BBS9: variants seen among roughly 807,000 people sequenced by gnomAD.
The protein encoded by BBS9 is Bardet-Biedl syndrome 9, also known as protein PTHB1.
BBS9 carries 89 observed loss-of-function variants against 117.7 expected under a neutral mutation model. The ratio of observed to expected loss-of-function variants is 0.76; its 90% confidence interval spans 0.64 to 0.90. BBS9 has a LOEUF of 0.90. BBS9 is among the 40% of genes least tolerant of loss of function. BBS9 has a pLI of 0.00. For synonymous variants in BBS9, 379 were observed against 370.9 expected (o/e 1.02, Z -0.25); for missense variants, 982 against 1,042.2 (o/e 0.94, Z 0.80).
chr7:33,559,278 T>C (rs1174753957), intron 21 of BBS9, among the ~76,000 whole-genome samples: 1 of 152,174 alleles, frequency 6.6e-6, no homozygotes, highest in African/African-American at 2.4e-5. Context: ...AACCGCAGGG[T>C]ATTTGATGAA....
At chr7:33,503,156 A>G (rs891296921) in intron 19 of BBS9, among the ~76,000 whole-genome samples, 9 of 152,192 alleles carry the variant, frequency 5.9e-5, no homozygotes, top group South Asian at 4.1e-4. Flanking sequence ...CCATTGCCCT[A>G]TCAATTTTAC....
chr7:33,192,599 T>C (rs771807569), intron 5 of BBS9, among the ~76,000 whole-genome samples: 2 of 152,230 alleles, frequency 1.3e-5, no homozygotes, highest in Admixed American at 6.5e-5. Context: ...TAAATGACTT[T>C]CGTTACATTA....
At chr7:33,369,889 T>G (rs1822530972) in intron 17 of BBS9, among the ~76,000 whole-genome samples, 4 of 152,358 alleles carry the variant, frequency 2.6e-5, no homozygotes, top group Admixed American at 2.0e-4. Context: ...GAACCTAGTA[T>G]TTCTTCCATA....
intron 20 of BBS9, among the ~76,000 whole-genome samples, chr7:33,513,240 T>C (rs1450231048): frequency 6.6e-6 from 1 of 152,206 alleles, no homozygotes; most frequent in African/African-American, 2.4e-5. Context: ...CTGTCTACCC[T>C]TCCATCTATT....
At chr7:33,618,139 A>G (rs1216127695) in intron 21 of BBS9, among the ~76,000 whole-genome samples, 2 of 152,082 alleles carry the variant, frequency 1.3e-5, no homozygotes, top group Non-Finnish European at 2.9e-5. Flanking sequence ...CAGGAATTAG[A>G]GACCAACCTG....
At chr7:33,466,817 C>T (rs1267523773) in intron 19 of BBS9, among the ~76,000 whole-genome samples, 2 of 152,076 alleles carry the variant, frequency 1.3e-5, no homozygotes, top group Non-Finnish European at 2.9e-5. Context: ...AGTCCAGTGG[C>T]ATGTATTTGA....
chr7:33,541,212 CCTT>C (rs147210234), intron 21 of BBS9, among the ~76,000 whole-genome samples: 4,711 of 152,202 alleles, frequency 0.031, 88 homozygotes, highest in African/African-American at 0.055. Context: ...AAACTCACCT[CCTT>C]CTGTATGTCT....
chr7:33,307,252 T>C (rs1034696251), intron 9 of BBS9, among the ~76,000 whole-genome samples: 5 of 152,196 alleles, frequency 3.3e-5, no homozygotes, highest in African/African-American at 1.2e-4. Context: ...CTGAAGTCAT[T>C]TGAACCCAAA....
chr7:33,544,098 C>G (rs1852862467), intron 21 of BBS9, among the ~76,000 whole-genome samples: 1 of 152,104 alleles, frequency 6.6e-6, no homozygotes, highest in African/African-American at 2.4e-5. Context: ...TTTCTCCTTT[C>G]ACTTCTGGTA....
intron 1 of BBS9, among the ~76,000 whole-genome samples, chr7:33,134,813 C>G (rs2128058288): frequency 6.6e-6 from 1 of 152,256 alleles, no homozygotes; most frequent in African/African-American, 2.4e-5. Flanking sequence ...CCAGGCTCTT[C>G]TCAATCTCTC....
At chr7:33,398,456 C>G (rs7777122) in intron 19 of BBS9, among the ~76,000 whole-genome samples, 10,891 of 152,162 alleles carry the variant, frequency 0.072, 453 homozygotes, top group East Asian at 0.14. Context: ...TCTGTCTGAC[C>G]CTTGCTAGTT....
At chr7:33,365,712 G>T (rs1046819164) in intron 16 of BBS9, among the ~76,000 whole-genome samples, 1 of 152,230 alleles carries the variant, frequency 6.6e-6, no homozygotes, top group African/African-American at 2.4e-5. Context: ...CTGGGCTTTG[G>T]GTGGTAATGG....
Position 33,519,914 on chromosome 7 carries a change from C to T in BBS9, c.2299-14040C>T, listed in dbSNP as rs140328521. Among the ~76,000 whole-genome samples, 4 of 152,158 alleles carry T rather than the reference C, an allele frequency of 2.6e-5. No individual in the cohort carries two copies. In the East Asian group the frequency reaches 7.7e-4, roughly 29 times the overall value. On this transcript the variant is annotated intron_variant, in intron 20 of 22. Coordinates refer to ENST00000242067, the MANE Select transcript of BBS9 (RefSeq NM_198428.3). ...CAGTGAAGTACCTTACATCTAAATCCTCAGTTGGAAGTTATAATACCCACT... is the reference window on the plus strand; with the variant it reads ...CAGTGAAGTACCTTACATCTAAATCTTCAGTTGGAAGTTATAATACCCACT...
At chr7:33,603,077 A>C (rs1450246341) in intron 21 of BBS9, among the ~76,000 whole-genome samples, 1 of 152,142 alleles carries the variant, frequency 6.6e-6, no homozygotes, top group Non-Finnish European at 1.5e-5. Flanking sequence ...CCTGTCCCCA[A>C]GCACATGGCA....
At position 33,515,534 on chromosome 7, in the gene BBS9, C is replaced by T. The variant is rs138871021; in HGVS notation, c.2298+9889C>T. Among the ~76,000 whole-genome samples the T allele has an allele frequency of 6.9e-3, 1,055 of 152,300 alleles. 3 individuals are homozygous for T. Among genetic ancestry groups the T allele is most frequent in the Non-Finnish European group, 0.012 (795 of 68,032 alleles). On this transcript the variant is annotated intron_variant, in intron 20 of 22. Coordinates refer to ENST00000242067, the MANE Select transcript of BBS9 (RefSeq NM_198428.3). ...AACTCAAAACTTCATTTTTCCTCCT[C>T]AGTTGAACTGTACGTTGCCTGAAGT...
At chr7:33,377,763 A>G (rs548080946) in intron 17 of BBS9, among the ~76,000 whole-genome samples, 20 of 152,066 alleles carry the variant, frequency 1.3e-4, no homozygotes, top group African/African-American at 4.3e-4. Flanking sequence ...ATATTTCTAG[A>G]TATTTTATTC....
intron 16 of BBS9, among the ~76,000 whole-genome samples, chr7:33,365,762 G>A (rs993077890): frequency 2.0e-5 from 3 of 152,242 alleles, no homozygotes; most frequent in African/African-American, 7.2e-5. Context: ...CTGCTGTGTT[G>A]GTGATGGTAT....
chr7:33,194,288 A>G (rs1051131923), intron 5 of BBS9, among the ~76,000 whole-genome samples: 21 of 152,196 alleles, frequency 1.4e-4, no homozygotes, highest in Admixed American at 3.3e-4. Flanking sequence ...TTGTTTATTC[A>G]CAGCCTCACC....
intron 21 of BBS9, among the ~76,000 whole-genome samples, chr7:33,541,095 G>C (rs1021046978): frequency 6.6e-6 from 1 of 151,994 alleles, no homozygotes; most frequent in Non-Finnish European, 1.5e-5. Context: ...CCCCTGGACA[G>C]TCTCATCAAG....
Sources: gnomAD v4.1 joint callset for allele counts (sites outside exome capture counted in the v4.1 genomes callset) on GRCh38, gnomAD v4.1.1 for gene constraint, MANE v1.5 for transcripts, NCBI Gene and HGNC (gene_info 2026-07-23, HGNC 2026-07-21) for gene names.